ITGAM: variants seen among roughly 807,000 people sequenced by gnomAD.
The protein encoded by ITGAM is integrin subunit alpha M.
A neutral mutation model predicts 137.5 loss-of-function variants in ITGAM; 79 were observed. That is an observed-to-expected ratio of 0.57 (90% confidence interval 0.48 to 0.69). ITGAM has a LOEUF of 0.69. Ranked by LOEUF, ITGAM falls within the 30% of genes least tolerant of loss-of-function variation. The pLI, the probability that ITGAM is intolerant of heterozygous loss-of-function variation, is 0.00. For missense variants in ITGAM, 1,343 were observed against 1,483.5 expected (o/e 0.91, Z 1.56); for synonymous variants, 583 against 592.3 (o/e 0.98, Z 0.23).
chr16:31,330,208 C>G (rs754448974), intron 26 of ITGAM, 44 bp downstream of exon 26: 3 of 1,597,732 alleles, frequency 1.9e-6, no homozygotes, highest in Non-Finnish European at 2.6e-6. Context: ...AGACCCAGAG[C>G]GCTTCCCTGC....
Position 31,296,728 on chromosome 16 carries a change from C to T in ITGAM, c.1357-786C>T, listed in dbSNP as rs137864125. Among the ~76,000 whole-genome samples, 622 of 152,218 alleles carry T rather than the reference C, an allele frequency of 4.1e-3. 6 individuals carry two copies. The highest frequency in any genetic ancestry group is 0.015 in the African/African-American group (608 of 41,528). On this transcript the variant is annotated intron_variant, in intron 12 of 29. Transcript: ENST00000544665. ...CTCCTCCACCTGGCTGCACTGAGGG[C>T]CCTGGAAGGCACTGTATCTCTATTA... is the stretch of plus-strand genomic sequence containing the variant.
intron 5 of ITGAM, among the ~76,000 whole-genome samples, chr16:31,267,017 G>A (rs1375510339): frequency 6.6e-6 from 1 of 151,920 alleles, no homozygotes; most frequent in Non-Finnish European, 1.5e-5. Context: ...ACAGGTGCCC[G>A]CCACCACACC....
In ITGAM at chr16:31,325,483, C is replaced by T; in HGVS notation, c.2506-17C>T. 1.2e-6 allele frequency: 2 copies of T among 1,613,768 alleles called. No homozygotes were observed. The highest frequency in any genetic ancestry group is 1.7e-6 in the Non-Finnish European group (2 of 1,179,790). ...CCGGAGGTGGATATCACCGCCTTTG[C>T]CTCCCCTGCCTTCCAGAACCAGCGC... is the stretch of plus-strand genomic sequence containing the variant. On this transcript the variant is annotated splice_polypyrimidine_tract_variant and intron_variant, in intron 20 of 29. Coordinates refer to ENST00000544665, the MANE Select transcript of ITGAM (RefSeq NM_000632.4).
In ITGAM at chr16:31,325,001, A is replaced by G. The variant is rs766579525; in HGVS notation, c.2333A>G (p.Asp778Gly). Residue 778 changes from aspartate (D) to glycine (G), a missense_variant, in exon 19 of 30, where the codon GAT becomes GGT. Transcript: ENST00000544665. The part of the protein sequence containing the change: ...KNCGNDNICQ[D>G]DLSITFSFMS... ...TGTGGCAATGACAACATCTGCCAGG[A>G]TGACCTCAGCATCACCTTCAGTTTC... is the stretch of plus-strand genomic sequence containing the variant. 6.2e-7 allele frequency: 1 copy of G among 1,613,364 alleles called. No individual in the cohort carries two copies. Among genetic ancestry groups the G allele is most frequent in the Non-Finnish European group, 8.5e-7 (1 of 1,179,704 alleles).
intron 5 of ITGAM, among the ~76,000 whole-genome samples, chr16:31,270,133 CTTTGCTT>C (rs2079813944): frequency 8.2e-6 from 1 of 122,420 alleles, no homozygotes; most frequent in Non-Finnish European, 1.8e-5. Context: ...TTCCTTCCTC[CTTTGCTT>C]TCCTTTCCTT....
intron 12 of ITGAM, among the ~76,000 whole-genome samples, chr16:31,281,910 T>C (rs1567256320): frequency 6.6e-6 from 1 of 152,228 alleles, no homozygotes; most frequent in Non-Finnish European, 1.5e-5. Context: ...AGGATTCTGG[T>C]ATGTTGTGTC....
chr16:31,277,029 A>G lies in ITGAM; in HGVS notation c.1193A>G (p.Asp398Gly), dbSNP rs2144310901. ...ATCAACATGACCAGAGTGGATTCAGACATGAATGATGCTTACTTGGGTAAG... is the reference window on the plus strand; with the variant it reads ...ATCAACATGACCAGAGTGGATTCAGGCATGAATGATGCTTACTTGGGTAAG... ...TFINMTRVDSDMNDAYLGYAA... is the reference protein window; with the variant it reads ...TFINMTRVDSGMNDAYLGYAA... The change falls in exon 11 of 30, where the codon GAC becomes GGC. Residue 398 changes from aspartate (D) to glycine (G), a missense_variant. Coordinates refer to ENST00000544665, the MANE Select transcript of ITGAM (RefSeq NM_000632.4). The G allele has an allele frequency of 8.7e-6, 14 of 1,612,518 alleles. No homozygotes were observed. The highest frequency in any genetic ancestry group is 1.2e-5 in the Non-Finnish European group (14 of 1,179,190).
At chr16:31,272,422 ACTATATATATATATATATATATAT>A (rs1161887306) in intron 7 of ITGAM, among the ~76,000 whole-genome samples, 8 of 48,964 alleles carry the variant, frequency 1.6e-4, no homozygotes, top group African/African-American at 5.1e-4. Context: ...AGGCCAATTA[ACTATATATATATATATATATATAT>A]ATATATATAT....
At chr16:31,300,825 TC>T (rs1310565095) in intron 14 of ITGAM, among the ~76,000 whole-genome samples, 1 of 152,110 alleles carries the variant, frequency 6.6e-6, no homozygotes, top group Non-Finnish European at 1.5e-5. Context: ...GATGGGAGAA[TC>T]GCTTGAACCC....
chr16:31,308,914 G>A (rs1484249023), intron 14 of ITGAM, among the ~76,000 whole-genome samples: 1 of 142,162 alleles, frequency 7.0e-6, no homozygotes, highest in African/African-American at 2.7e-5. Flanking sequence ...TATGTACCCA[G>A]TAGTCCTTCA....
At chr16:31,296,780 A>G (rs1336845288) in intron 12 of ITGAM, among the ~76,000 whole-genome samples, 1 of 152,200 alleles carries the variant, frequency 6.6e-6, no homozygotes, top group African/African-American at 2.4e-5. Context: ...GCAATAAGAA[A>G]CACTTGTTTG....
Position 31,330,440 on chromosome 16 carries a change from C to A in ITGAM, c.3174+19C>A. 2 of 1,611,030 alleles carry A rather than the reference C, an allele frequency of 1.2e-6. No homozygotes were observed. The highest frequency in any genetic ancestry group is 1.7e-6 in the Non-Finnish European group (2 of 1,177,148). ...CATCAAGGTGTGTGGGGTCCTGAGG[C>A]TTCGCCGGGCACAGGCGTGGTGCTC... On this transcript the variant is annotated intron_variant, in intron 27 of 29. Transcript: ENST00000544665.
chr16:31,304,521 G>T (rs756855253), intron 14 of ITGAM, among the ~76,000 whole-genome samples: 7 of 152,122 alleles, frequency 4.6e-5, no homozygotes, highest in Non-Finnish European at 8.8e-5. Flanking sequence ...TCTTGGTCAT[G>T]AATTCTTTGC....
chr16:31,266,970 C>T lies in ITGAM; in HGVS notation c.427+823C>T, dbSNP rs149575715. The stretch of plus-strand genomic sequence containing the variant: ...GCAACCTCTGCCTCCCAGGTTCAAG[C>T]GATTCTCCTGCCCCATCTTCCCAAG... On this transcript the variant is annotated intron_variant, in intron 5 of 29. Transcript: ENST00000544665. 2.3e-3 allele frequency among the ~76,000 whole-genome samples: 342 copies of T among 151,874 alleles called. 2 individuals are homozygous for T. Among genetic ancestry groups the T allele is most frequent in the African/African-American group, 7.9e-3 (327 of 41,466 alleles).
intron 8 of ITGAM, 151 bp downstream of exon 8, chr16:31,273,669 A>C: frequency 1.4e-6 from 1 of 710,838 alleles, no homozygotes; most frequent in Non-Finnish European, 2.3e-6. Flanking sequence ...TTGCCACATC[A>C]ATGCTGTGTA....
intron 2 of ITGAM, among the ~76,000 whole-genome samples, chr16:31,265,150 G>A (rs369504495): frequency 1.3e-5 from 2 of 152,172 alleles, no homozygotes; most frequent in East Asian, 3.9e-4. Context: ...TTACAAGCAT[G>A]AGCCACCGCG....
chr16:31,293,541 G>A (rs2080106671), intron 12 of ITGAM, among the ~76,000 whole-genome samples: 1 of 151,994 alleles, frequency 6.6e-6, no homozygotes, highest in African/African-American at 2.4e-5. Context: ...AGATCAGATG[G>A]TCATAGGTGT....
In ITGAM at chr16:31,324,958, T is replaced by G; in HGVS notation, c.2290T>G (p.Phe764Val). The change falls in exon 19 of 30, where the codon TTT (phenylalanine) becomes GTT (valine). Residue 764 changes from phenylalanine (F) to valine (V), a missense_variant and splice_region_variant. By Grantham distance (50) the Phe-to-Val change is conservative (BLOSUM62 -1). Coordinates refer to ENST00000544665, the MANE Select transcript of ITGAM (RefSeq NM_000632.4). This position sits in a 1 kb window ranked among gnomAD's most constrained non-coding sequence, Gnocchi z 4.5. ...EDAQRLFTAL[F>V]PFEKNCGNDN... Reference sequence around the variant, plus strand: ...TTTGATCATATTTATTTTTTAAAAGTTTCCCTTTGAGAAGAATTGTGGCAA... The same window carrying G: ...TTTGATCATATTTATTTTTTAAAAGGTTCCCTTTGAGAAGAATTGTGGCAA... The G allele has an allele frequency of 6.2e-7, 1 of 1,609,824 alleles. No individual in the cohort carries two copies.
intron 9 of ITGAM, 145 bp from the exon 10 acceptor site, chr16:31,276,526 T>C: frequency 1.6e-6 from 1 of 608,436 alleles, no homozygotes; most frequent in Admixed American, 2.9e-5. Flanking sequence ...GAGACGGGGT[T>C]TCACCATGTT....
Sources: gnomAD v4.1 joint callset for allele counts (sites outside exome capture counted in the v4.1 genomes callset) on GRCh38, gnomAD v4.1.1 for gene constraint, Gnocchi (gnomAD v3.1) non-coding constraint, MANE v1.5 for transcripts, NCBI Gene and HGNC (gene_info 2026-07-23, HGNC 2026-07-21) for gene names.